NCK2: variants seen among roughly 807,000 people sequenced by gnomAD.
The protein encoded by NCK2 is cytoplasmic protein NCK2.
A neutral mutation model predicts 33.9 loss-of-function variants in NCK2; 16 were observed. The observed-to-expected ratio is 0.47, with a 90% CI of 0.32 to 0.72. The LOEUF is 0.72. Ranked by LOEUF, NCK2 falls within the 30% of genes least tolerant of loss-of-function variation. The probability of loss-of-function intolerance (pLI) is 0.03; values close to 1 mark genes in which losing one functional copy is unlikely to be tolerated. For missense variants in NCK2, 418 were observed against 537.3 expected, an observed-to-expected ratio of 0.78 and a Z score of 2.19; for synonymous variants, 273 against 239.9, an observed-to-expected ratio of 1.14 and a Z score of -1.27.
intron 4 of NCK2, among the ~76,000 whole-genome samples, chr2:105,889,571 CTTTTTTTT>C (rs35868906): frequency 7.5e-6 from 1 of 132,810 alleles, no homozygotes; most frequent in Admixed American, 7.7e-5. Flanking sequence ...ATTTGCATTT[CTTTTTTTT>C]TTTTTTTTTT....
chr2:105,752,353 A>G (rs923800812), intron 1 of NCK2, among the ~76,000 whole-genome samples: 12 of 152,190 alleles, frequency 7.9e-5, no homozygotes, highest in African/African-American at 2.7e-4. Flanking sequence ...CACTCAGCAC[A>G]TGATGTTTTA....
chr2:105,853,797 G>A (rs955783426), intron 2 of NCK2: 1 of 152,216 alleles, frequency 6.6e-6, no homozygotes, highest in East Asian at 1.9e-4. Flanking sequence ...GAGTTGGTGG[G>A]TGGAAAATTA....
intron 1 of NCK2, among the ~76,000 whole-genome samples, chr2:105,791,255 A>G (rs1269739951): frequency 6.6e-6 from 1 of 152,214 alleles, no homozygotes; most frequent in Non-Finnish European, 1.5e-5. Flanking sequence ...ATTCATCTAG[A>G]GAAACCTGAG....
At chr2:105,763,696 A>G (rs1689840092) in intron 1 of NCK2, among the ~76,000 whole-genome samples, 1 of 152,190 alleles carries the variant, frequency 6.6e-6, no homozygotes, top group Non-Finnish European at 1.5e-5. Context: ...GACAGTGTAA[A>G]TGACTTAAAA....
At chr2:105,824,447 GA>G (rs1374301129) in intron 2 of NCK2, among the ~76,000 whole-genome samples, 3 of 152,206 alleles carry the variant, frequency 2.0e-5, no homozygotes, top group Non-Finnish European at 4.4e-5. Context: ...AAGTACTTGG[GA>G]AAGGCAGGGA....
At chr2:105,823,132 CTGTGTGTGTGTGTGTGTGTG>C (rs10610689) in intron 2 of NCK2, among the ~76,000 whole-genome samples, 3 of 148,524 alleles carry the variant, frequency 2.0e-5, no homozygotes, top group African/African-American at 5.0e-5. Context: ...TCCTCTCATG[CTGTGTGTGTGTGTGTGTGTG>C]TGTGTGTGTG....
rs577308278 is a variant in NCK2 at position 105,760,011 on chromosome 2, GGACTCCACTGTCAAGT to G, written c.-201+14895_-201+14910del. On this transcript the variant is annotated intron_variant, in intron 1 of 4. Transcript: ENST00000233154. ...CCTGGCCCAGGTAGTGTTTGTCAGG[GGACTCCACTGTCAAGT>G]GACTCCACTGTCAAGTGACTCTTTT... Among the ~76,000 whole-genome samples, 55 of 152,120 alleles carry G rather than the reference GGACTCCACTGTCAAGT, an allele frequency of 3.6e-4. No individual in the cohort carries two copies. In the East Asian group the frequency reaches 5.2e-3, roughly 14 times the overall value.
chr2:105,880,538 G>A (rs1171372716), intron 3 of NCK2, among the ~76,000 whole-genome samples: 1 of 152,202 alleles, frequency 6.6e-6, no homozygotes, highest in Non-Finnish European at 1.5e-5. Flanking sequence ...GGAGGCAGCG[G>A]CAAGGCAGCT....
intron 4 of NCK2, among the ~76,000 whole-genome samples, chr2:105,891,358 A>G (rs763052587): frequency 6.6e-6 from 1 of 151,792 alleles, no homozygotes; most frequent in Non-Finnish European, 1.5e-5. Flanking sequence ...GTCACAGAGC[A>G]TATGTCCTGC....
chr2:105,871,238 G>A (rs1307846725), intron 3 of NCK2, among the ~76,000 whole-genome samples: 1 of 152,036 alleles, frequency 6.6e-6, no homozygotes, highest in Non-Finnish European at 1.5e-5. Flanking sequence ...AGAGAGATGA[G>A]GAGGATGGTG....
intron 1 of NCK2, among the ~76,000 whole-genome samples, chr2:105,791,035 C>T (rs1252348051): frequency 1.3e-5 from 2 of 152,182 alleles, no homozygotes; most frequent in Non-Finnish European, 2.9e-5. Context: ...CGCTCCCACT[C>T]AGGAAACTTT....
chr2:105,874,447 GA>G (rs567232227), intron 3 of NCK2, among the ~76,000 whole-genome samples: 114 of 152,304 alleles, frequency 7.5e-4, no homozygotes, highest in African/African-American at 2.6e-3. Context: ...TCTAGTGGGG[GA>G]AACCCCCACA....
At chr2:105,748,570 TTTTTTA>T (rs930794085) in intron 1 of NCK2, among the ~76,000 whole-genome samples, 12 of 152,068 alleles carry the variant, frequency 7.9e-5, no homozygotes, top group Admixed American at 2.0e-4. Flanking sequence ...CTCAGTGAAT[TTTTTTA>T]TTTTTATTTT....
intron 1 of NCK2, among the ~76,000 whole-genome samples, chr2:105,770,900 C>A (rs1290119911): frequency 2.1e-5 from 3 of 145,934 alleles, no homozygotes; most frequent in African/African-American, 7.9e-5. Context: ...ATCATGATTT[C>A]TTTTTGTTTG....
intron 3 of NCK2, among the ~76,000 whole-genome samples, chr2:105,867,792 C>T (rs965799778): frequency 4.6e-5 from 7 of 152,200 alleles, no homozygotes; most frequent in African/African-American, 1.7e-4. Flanking sequence ...TCTCACCCTG[C>T]TTCAGCTTCC....
intron 3 of NCK2, among the ~76,000 whole-genome samples, chr2:105,877,787 G>T (rs1015195328): frequency 6.6e-6 from 1 of 152,196 alleles, no homozygotes. Context: ...CACTATTATG[G>T]ATTGAATGGG....
intron 2 of NCK2, among the ~76,000 whole-genome samples, chr2:105,826,181 CCTT>C: frequency 6.6e-6 from 1 of 152,244 alleles, no homozygotes; most frequent in African/African-American, 2.4e-5. Context: ...AAGCAAGGCA[CCTT>C]CTTCACAGGG....
At chr2:105,816,203 G>A (rs1488746934) in intron 1 of NCK2, among the ~76,000 whole-genome samples, 1 of 152,216 alleles carries the variant, frequency 6.6e-6, no homozygotes, top group Non-Finnish European at 1.5e-5. Flanking sequence ...CTAATGGGGA[G>A]ACTTAGGCAG....
At chr2:105,826,543 A>G (rs1444957423) in intron 2 of NCK2, among the ~76,000 whole-genome samples, 1 of 152,208 alleles carries the variant, frequency 6.6e-6, no homozygotes. Flanking sequence ...CTGATTGGTT[A>G]TGTTTTTTAA....
Sources: gnomAD v4.1 joint callset for allele counts (sites outside exome capture counted in the v4.1 genomes callset) on GRCh38, gnomAD v4.1.1 for gene constraint, MANE v1.5 for transcripts, NCBI Gene and HGNC (gene_info 2026-07-23, HGNC 2026-07-21) for gene names.